Variants in GPR107 observed in about 807,000 individuals in gnomAD.
The protein encoded by GPR107 is protein GPR107.
GPR107 carries 31 observed loss-of-function variants against 75.5 expected under a neutral mutation model. The ratio of observed to expected loss-of-function variants is 0.41; its 90% CI spans 0.31 to 0.55. The LOEUF (loss-of-function observed/expected upper bound fraction) is 0.55. GPR107 is among the 20% of genes least tolerant of loss of function. The pLI is 0.26. For missense variants in GPR107, 572 were observed against 665.7 expected, an observed-to-expected ratio of 0.86 and a Z score of 1.55; for synonymous variants, 267 against 251.3, an observed-to-expected ratio of 1.06 and a Z score of -0.59.
chr9:130,107,918 C>T (rs765625510), intron 14 of GPR107, among the ~76,000 whole-genome samples: 1 of 152,174 alleles, frequency 6.6e-6, no homozygotes, highest in Non-Finnish European at 1.5e-5. Flanking sequence ...TGTAAAGCAG[C>T]CCTGCCTGCT....
In GPR107 at chr9:130,082,209, G is replaced by T. The variant is rs75360316; in HGVS notation, c.527-1356G>T. 1.4e-3 allele frequency among the ~76,000 whole-genome samples: 207 copies of T among 152,254 alleles called. 3 individuals carry two copies. In the East Asian group the frequency reaches 0.033, roughly 24 times the overall value. On this transcript the variant is annotated intron_variant, in intron 5 of 17. Coordinates refer to ENST00000347136, the MANE Select transcript of GPR107 (RefSeq NM_020960.5). ...ACACTAGCCCTCACATCCAACACTG[G>T]GGACTGCCTTTCCACATGAGATTTG...
chr9:130,071,035 CTTTT>C (rs56799662), intron 1 of GPR107, among the ~76,000 whole-genome samples: 1 of 98,196 alleles, frequency 1.0e-5, no homozygotes, highest in Non-Finnish European at 1.8e-5. Context: ...TTTTTTTTTT[CTTTT>C]TTTTTTTTTT....
intron 14 of GPR107, among the ~76,000 whole-genome samples, chr9:130,109,669 A>G (rs1831247298): frequency 6.7e-6 from 1 of 150,374 alleles, no homozygotes; most frequent in Non-Finnish European, 1.5e-5. Context: ...TCCCAGCTTC[A>G]AGCGATTCTC....
chr9:130,133,871 G>C (rs1178862666), intron 17 of GPR107, among the ~76,000 whole-genome samples: 1 of 152,154 alleles, frequency 6.6e-6, no homozygotes, highest in African/African-American at 2.4e-5. Flanking sequence ...CAAGAATGAA[G>C]AGATGAAGAA....
At chr9:130,107,569 C>T in intron 14 of GPR107, 30 bp downstream of exon 14, 1 of 1,474,796 alleles carries the variant, frequency 6.8e-7, no homozygotes, top group African/African-American at 1.4e-5. Flanking sequence ...TTTTGTGTTG[C>T]TCAGCTTGCT....
chr9:130,071,755 C>A (rs755455306), intron 1 of GPR107, among the ~76,000 whole-genome samples: 13 of 152,074 alleles, frequency 8.5e-5, no homozygotes, highest in Non-Finnish European at 1.9e-4. Flanking sequence ...GCAATCTCCG[C>A]TTACTGCAAC....
At chr9:130,063,673 A>G (rs1341506411) in intron 1 of GPR107, among the ~76,000 whole-genome samples, 1 of 151,914 alleles carries the variant, frequency 6.6e-6, no homozygotes, top group Non-Finnish European at 1.5e-5. Flanking sequence ...AGTATAATAA[A>G]ATATTTGATT....
At chr9:130,100,892 C>A (rs1266487342) in intron 11 of GPR107, among the ~76,000 whole-genome samples, 190 bp downstream of exon 11, 2 of 152,220 alleles carry the variant, frequency 1.3e-5, no homozygotes, top group Non-Finnish European at 2.9e-5. Flanking sequence ...TGGCATACTC[C>A]TGCCTCTCTG....
chr9:130,089,973 C>A (rs545595367), intron 7 of GPR107, among the ~76,000 whole-genome samples: 1 of 152,240 alleles, frequency 6.6e-6, no homozygotes, highest in South Asian at 2.1e-4. Flanking sequence ...TTATGATCCA[C>A]CACCCAGGAC....
chr9:130,059,592 C>G (rs1829877416), intron 1 of GPR107, among the ~76,000 whole-genome samples: 2 of 151,866 alleles, frequency 1.3e-5, no homozygotes, highest in African/African-American at 4.9e-5. Context: ...AAGAACATGG[C>G]TACAATGCTA....
At chr9:130,082,606 A>G (rs1830520079) in intron 5 of GPR107, among the ~76,000 whole-genome samples, 1 of 150,556 alleles carries the variant, frequency 6.6e-6, no homozygotes, top group Non-Finnish European at 1.5e-5. Context: ...CAGCCTCCCG[A>G]GTAACTGGGA....
chr9:130,116,417 A>G (rs998551856), intron 14 of GPR107, among the ~76,000 whole-genome samples: 8 of 152,220 alleles, frequency 5.3e-5, no homozygotes, highest in Admixed American at 4.6e-4. Flanking sequence ...TTTGCCTGCT[A>G]TTAACCAGCC....
chr9:130,084,815 G>C (rs1447234547), intron 6 of GPR107, among the ~76,000 whole-genome samples: 1 of 151,862 alleles, frequency 6.6e-6, no homozygotes, highest in Non-Finnish European at 1.5e-5. Flanking sequence ...TTTCTAAGTT[G>C]CACAGCACTT....
Position 130,138,061 on chromosome 9 carries a change from T to A in GPR107, c.*2940T>A, listed in dbSNP as rs1276221603. The stretch of plus-strand genomic sequence containing the variant: ...CAGTCATTGATCTGTAAATCCTGGC[T>A]CTTAACAGTGAGTGGCCAAGGACTT... On this transcript the variant is annotated 3_prime_UTR_variant, in exon 18 of 18. Transcript: ENST00000347136. 1 of 152,240 alleles carries A rather than the reference T, an allele frequency of 6.6e-6. No homozygotes were observed. Among genetic ancestry groups the A allele is most frequent in the Non-Finnish European group, 1.5e-5 (1 of 68,044 alleles). 9.4% of individuals were successfully genotyped at this position (152,240 alleles called of 1,614,324 possible).
Position 130,103,248 on chromosome 9 carries a change from T to C in GPR107, c.1132-1172T>C, listed in dbSNP as rs1382946107. On this transcript the variant is annotated intron_variant, in intron 12 of 17. Transcript: ENST00000347136. The surrounding 1 kb of genome is among the most constrained non-coding windows in gnomAD (Gnocchi z 4.3). The stretch of plus-strand genomic sequence containing the variant: ...CATTAGTTTTAAATGAAATTTCGGA[T>C]AATTTGATTCTAAGTCCTGTATAGA... Among the ~76,000 whole-genome samples, 1 of 152,208 alleles carries C rather than the reference T, an allele frequency of 6.6e-6. No homozygotes were observed. The highest frequency in any genetic ancestry group is 1.5e-5 in the Non-Finnish European group (1 of 68,036).
At chr9:130,092,592 T>G (rs1476640282) in intron 9 of GPR107, among the ~76,000 whole-genome samples, 1 of 149,682 alleles carries the variant, frequency 6.7e-6, no homozygotes, top group Non-Finnish European at 1.5e-5. Flanking sequence ...TGTTGTTTTG[T>G]TTAAAAAGCA....
chr9:130,105,776 G>C lies in GPR107; in HGVS notation c.1262+1226G>C, dbSNP rs558005575. 3.2e-4 allele frequency among the ~76,000 whole-genome samples: 49 copies of C among 151,332 alleles called. No individual in the cohort carries two copies. The South Asian group carries it at 6.7e-3, about 21-fold the overall frequency. On this transcript the variant is annotated intron_variant, in intron 13 of 17. Coordinates refer to ENST00000347136, the MANE Select transcript of GPR107 (RefSeq NM_020960.5). ...CAGCATAGAAGAGAGTATGAATGAT[G>C]CTCCCACCTCAGCCTCCTGGGTAGC...
intron 1 of GPR107, among the ~76,000 whole-genome samples, chr9:130,064,864 G>A (rs146066729): frequency 0.017 from 2,549 of 152,170 alleles, 59 homozygotes; most frequent in African/African-American, 0.052. Flanking sequence ...AGAATGTTAA[G>A]AATCCTGGTA....
At chr9:130,105,472 G>C (rs1157774552) in intron 13 of GPR107, among the ~76,000 whole-genome samples, 3 of 152,114 alleles carry the variant, frequency 2.0e-5, no homozygotes, top group African/African-American at 7.2e-5. Flanking sequence ...GGCCAGGCTG[G>C]TCTCAAACTC....
Sources: allele counts gnomAD v4.1 joint callset (sites outside exome capture counted in the v4.1 genomes callset), GRCh38; gene constraint gnomAD v4.1.1; non-coding constraint Gnocchi (gnomAD v3.1); transcripts MANE v1.5; gene names NCBI Gene and HGNC (gene_info 2026-07-23, HGNC 2026-07-21).